Variants in ASIP observed in about 807,000 individuals in gnomAD.
ASIP encodes agouti-signaling protein.
In ASIP, 11 loss-of-function variants were observed where a neutral mutation model predicts 10.3. The ratio of observed to expected loss-of-function variants is 1.07; its 90% confidence interval spans 0.68 to 1.78. The LOEUF (loss-of-function observed/expected upper bound fraction) is 1.78. Among genes scored for constraint, ASIP ranks in the 40% most tolerant of loss-of-function variants. The pLI is 0.00. For missense variants in ASIP, 180 were observed against 169.2 expected (o/e 1.06, Z -0.35); for synonymous variants, 70 against 70.8 (o/e 0.99, Z 0.06).
intron 1 of ASIP, among the ~76,000 whole-genome samples, chr20:34,235,345 C>A (rs1222706803): frequency 6.6e-6 from 1 of 152,148 alleles, no homozygotes; most frequent in Non-Finnish European, 1.5e-5. Context: ...GAGGCTGAGG[C>A]AGGACAATCG....
At chr20:34,215,432 C>A in intron 1 of ASIP, 1 of 1,531,934 alleles carries the variant, frequency 6.5e-7, no homozygotes, top group Non-Finnish European at 9.0e-7. Flanking sequence ...TCACGATCCA[C>A]CAACTCTGAG....
chr20:34,197,737 T>C (rs2034867527), intron 1 of ASIP, among the ~76,000 whole-genome samples: 1 of 152,148 alleles, frequency 6.6e-6, no homozygotes, highest in African/African-American at 2.4e-5. Flanking sequence ...AGGCATTCAT[T>C]GCTTGGAACC....
intron 1 of ASIP, among the ~76,000 whole-genome samples, chr20:34,235,866 A>AGGGAGGGAAG (rs2035187034): frequency 8.1e-5 from 3 of 36,862 alleles, no homozygotes; most frequent in Non-Finnish European, 1.2e-4. Flanking sequence ...GGAAGGAAGG[A>AGGGAGGGAAG]AAGGAAGGAA....
chr20:34,208,072 C>T (rs373236421), intron 1 of ASIP, among the ~76,000 whole-genome samples: 13 of 152,186 alleles, frequency 8.5e-5, no homozygotes, highest in East Asian at 7.7e-4. Context: ...CCACCACACC[C>T]GGCCTCCAGC....
chr20:34,249,111 A>G (rs1382660950), intron 1 of ASIP, among the ~76,000 whole-genome samples: 4 of 152,122 alleles, frequency 2.6e-5, no homozygotes, highest in Admixed American at 1.3e-4. Flanking sequence ...CCTGGGTGAC[A>G]GAGTGAGACC....
At chr20:34,239,825 C>T (rs563255480), upstream of ASIP, among the ~76,000 whole-genome samples, 18 of 152,332 alleles carry the variant, frequency 1.2e-4, no homozygotes, top group African/African-American at 4.1e-4. Flanking sequence ...TCCCACTCTT[C>T]TGCACCCATC....
chr20:34,223,511 C>A (rs1445103860), intron 1 of ASIP, among the ~76,000 whole-genome samples: 15 of 151,580 alleles, frequency 9.9e-5, no homozygotes, highest in Non-Finnish European at 2.2e-4. Flanking sequence ...GGTCAGCCCC[C>A]CCGCCCGGCC....
At chr20:34,258,674 C>CATATATATATATATATACATACTATATAT (rs1418633651) in intron 1 of ASIP, among the ~76,000 whole-genome samples, 2 of 12,154 alleles carry the variant, frequency 1.6e-4, no homozygotes, top group African/African-American at 3.8e-4. Flanking sequence ...AGGGGGATGC[C>CATATATATATATATATACATACTATATAT]ATATATATAT....
chr20:34,236,671 C>T (rs999017823), upstream of ASIP, among the ~76,000 whole-genome samples: 7 of 151,994 alleles, frequency 4.6e-5, no homozygotes, highest in Non-Finnish European at 7.4e-5. Context: ...GGCAAGATGG[C>T]GAGACCCCCA....
At chr20:34,258,209 T>C (rs2035606768) in intron 1 of ASIP, among the ~76,000 whole-genome samples, 1 of 151,966 alleles carries the variant, frequency 6.6e-6, no homozygotes, top group African/African-American at 2.4e-5. Context: ...TAGATATTGA[T>C]GGAGCAAACA....
intron 1 of ASIP, chr20:34,215,988 C>CGGG: frequency 2.7e-6 from 2 of 728,474 alleles, no homozygotes. Context: ...CTCCAGCCCG[C>CGGG]CTCCCAGCCT....
intron 1 of ASIP, among the ~76,000 whole-genome samples, chr20:34,233,510 T>C (rs1025871842): frequency 1.3e-5 from 2 of 152,162 alleles, no homozygotes; most frequent in Non-Finnish European, 2.9e-5. Context: ...GACTACATAC[T>C]GTAGGATGGT....
chr20:34,262,741 G>A, intron 2 of ASIP, 91 bp from the exon 3 acceptor site: 1 of 1,440,678 alleles, frequency 6.9e-7, no homozygotes, highest in Non-Finnish European at 9.7e-7. Context: ...CTGACCTTGT[G>A]ACTTCCCAAG....
chr20:34,213,937 C>T, intron 1 of ASIP: 1 of 1,574,464 alleles, frequency 6.4e-7, no homozygotes, highest in Non-Finnish European at 8.6e-7. Flanking sequence ...AGAGGCTTGC[C>T]TTTCTTCATC....
At chr20:34,268,485 G>C (rs1176908936) in intron 3 of ASIP, among the ~76,000 whole-genome samples, 1 of 152,170 alleles carries the variant, frequency 6.6e-6, no homozygotes, top group Non-Finnish European at 1.5e-5. Flanking sequence ...CACTTTGGGA[G>C]GCCGAGGCAG....
intron 3 of ASIP, among the ~76,000 whole-genome samples, chr20:34,266,164 T>C (rs1029550008): frequency 5.4e-4 from 81 of 150,998 alleles, no homozygotes; most frequent in African/African-American, 1.9e-3. Context: ...CCATCCTGGC[T>C]AACACGGAGA....
In ASIP at chr20:34,269,178, T is replaced by G; in HGVS notation, c.*11T>G. Reference sequence around the variant, plus strand: ...AGCCTCAACTGCTGAGCGCCCCCACTCCCGGCCGCGAGCAGGCAGGGCTTC... The same window carrying G: ...AGCCTCAACTGCTGAGCGCCCCCACGCCCGGCCGCGAGCAGGCAGGGCTTC... On this transcript the variant is annotated 3_prime_UTR_variant, in exon 4 of 4. Coordinates refer to ENST00000374954, the MANE Select transcript of ASIP (RefSeq NM_001672.3). The G allele has an allele frequency of 6.7e-7, 1 of 1,493,608 alleles. No individual in the cohort carries two copies. The highest frequency in any genetic ancestry group is 8.9e-7 in the Non-Finnish European group (1 of 1,121,022). 92.5% of individuals were successfully genotyped at this position (1,493,608 alleles called of 1,614,324 possible).
chr20:34,211,153 C>T (rs1008383428), intron 1 of ASIP, among the ~76,000 whole-genome samples: 1 of 152,074 alleles, frequency 6.6e-6, no homozygotes, highest in East Asian at 1.9e-4. Context: ...CCTCTGCCTC[C>T]CAGGTACCTA....
intron 1 of ASIP, among the ~76,000 whole-genome samples, chr20:34,256,158 G>A (rs1040582906): frequency 2.6e-5 from 4 of 152,212 alleles, no homozygotes; most frequent in South Asian, 4.1e-4. Flanking sequence ...CTCTCTCTCC[G>A]CCTCGGCTGC....
Sources: allele counts gnomAD v4.1 joint callset (sites outside exome capture counted in the v4.1 genomes callset), GRCh38; gene constraint gnomAD v4.1.1; transcripts MANE v1.5; gene names NCBI Gene and HGNC (gene_info 2026-07-23, HGNC 2026-07-21).